The following ADK variants were observed in gnomAD, a reference collection of about 807,000 sequenced individuals.
ADK encodes N6,N6-dimethyladenosine kinase.
In ADK, 24 loss-of-function variants were observed where a neutral mutation model predicts 44.7. The observed-to-expected ratio is 0.54, with a 90% confidence interval of 0.39 to 0.76. ADK has a LOEUF of 0.76. Among genes scored for constraint, ADK ranks in the 30% least tolerant of loss-of-function variants. ADK has a pLI of 0.00. For missense variants in ADK, 321 were observed against 425.1 expected (o/e 0.76, Z 2.15); for synonymous variants, 128 against 142.6 (o/e 0.90, Z 0.73).
At chr10:74,595,405 TGG>T (rs1328078950) in intron 8 of ADK, among the ~76,000 whole-genome samples, 3 of 146 alleles carry the variant, frequency 0.021, no homozygotes, top group South Asian at 0.19. Context: ...GGAGGGGGTT[TGG>T]CTTTGTCACG....
chr10:74,541,715 C>A (rs777051329), intron 7 of ADK, among the ~76,000 whole-genome samples: 2 of 151,152 alleles, frequency 1.3e-5, no homozygotes, highest in Non-Finnish European at 2.9e-5. Context: ...ATTGCTTGAG[C>A]CCAGGAGTTT....
intron 7 of ADK, among the ~76,000 whole-genome samples, chr10:74,584,426 G>A (rs1356916420): frequency 9.9e-5 from 15 of 152,182 alleles, no homozygotes; most frequent in Admixed American, 9.8e-4. Context: ...GGACCTTAGT[G>A]TAGGCCTTTT....
intron 3 of ADK, among the ~76,000 whole-genome samples, chr10:74,314,336 G>A (rs1184966165): frequency 6.6e-6 from 1 of 152,014 alleles, no homozygotes; most frequent in African/African-American, 2.4e-5. Context: ...CTGAGACTGG[G>A]ATTCTGATTT....
At chr10:74,285,613 C>T (rs1022775046) in intron 3 of ADK, among the ~76,000 whole-genome samples, 1 of 152,108 alleles carries the variant, frequency 6.6e-6, no homozygotes, top group African/African-American at 2.4e-5. Context: ...CCTGGGAGAT[C>T]AAGGCTCCAC....
chr10:74,573,324 C>T (rs1047335189), intron 7 of ADK, among the ~76,000 whole-genome samples: 13 of 152,290 alleles, frequency 8.5e-5, no homozygotes, highest in Admixed American at 7.2e-4. Context: ...AGCAGATTTT[C>T]GTGAACCACA....
intron 6 of ADK, among the ~76,000 whole-genome samples, chr10:74,483,162 C>T (rs1043804481): frequency 4.6e-5 from 7 of 152,168 alleles, no homozygotes; most frequent in South Asian, 2.1e-4. Context: ...ATACGTCCTC[C>T]GAAATCTAGG....
At chr10:74,563,422 T>G (rs184839398) in intron 7 of ADK, among the ~76,000 whole-genome samples, 1 of 152,178 alleles carries the variant, frequency 6.6e-6, no homozygotes, top group Non-Finnish European at 1.5e-5. Context: ...CTCAGTTAGA[T>G]CTCCCTTAAA....
chr10:74,701,414 T>C (rs891655218), intron 10 of ADK, among the ~76,000 whole-genome samples: 5 of 152,128 alleles, frequency 3.3e-5, no homozygotes, highest in East Asian at 1.9e-4. Flanking sequence ...CAGATCTTGG[T>C]CTCTAATACC....
At chr10:74,319,001 T>A (rs115844288) in intron 4 of ADK, among the ~76,000 whole-genome samples, 1,929 of 110,734 alleles carry the variant, frequency 0.017, 46 homozygotes, top group African/African-American at 0.047. Flanking sequence ...CCTTTGACTG[T>A]ATTACGTTTT....
intron 4 of ADK, among the ~76,000 whole-genome samples, chr10:74,379,353 G>A (rs1423080104): frequency 6.6e-6 from 1 of 152,186 alleles, no homozygotes. Context: ...TGGATGTGGT[G>A]TGTGAATAAC....
At chr10:74,286,853 AT>A (rs777721364) in intron 3 of ADK, among the ~76,000 whole-genome samples, 1 of 152,068 alleles carries the variant, frequency 6.6e-6, no homozygotes, top group Non-Finnish European at 1.5e-5. Flanking sequence ...TTTAAAACAA[AT>A]TTTTTTATTT....
intron 3 of ADK, among the ~76,000 whole-genome samples, chr10:74,277,160 C>T (rs990811301): frequency 2.0e-5 from 3 of 152,080 alleles, no homozygotes; most frequent in South Asian, 2.1e-4. Flanking sequence ...TCGGGTGATC[C>T]GCCCTCCTCA....
chr10:74,509,955 A>G (rs1323813950), intron 6 of ADK, among the ~76,000 whole-genome samples: 1 of 152,174 alleles, frequency 6.6e-6, no homozygotes, highest in Non-Finnish European at 1.5e-5. Flanking sequence ...TTGTGTATAC[A>G]TTACACATTT....
At chr10:74,602,105 CAA>C (rs58400071) in intron 9 of ADK, among the ~76,000 whole-genome samples, 4 of 48,790 alleles carry the variant, frequency 8.2e-5, no homozygotes, top group Non-Finnish European at 1.1e-4. Context: ...ACCCTGTCTC[CAA>C]AAAAAAAAAA....
rs144492760 is a variant in ADK, at chr10:74,314,649, A to G, written c.195-18A>G. On this transcript the variant is annotated intron_variant, in intron 3 of 10. Coordinates refer to ENST00000539909, the MANE Select transcript of ADK (RefSeq NM_006721.4). ...CACAGAAGGTAACTTACTTTTTTCTACTGTGATTTCCTTATAGGTTTGATG... is the reference window on the plus strand; with the variant it reads ...CACAGAAGGTAACTTACTTTTTTCTGCTGTGATTTCCTTATAGGTTTGATG... 0.012 allele frequency: 18,457 copies of G among 1,588,270 alleles called. 138 individuals are homozygous for G. The highest frequency in any genetic ancestry group is 0.015 in the Non-Finnish European group (16,848 of 1,157,762).
At chr10:74,543,244 G>C (rs1379895901) in intron 7 of ADK, among the ~76,000 whole-genome samples, 14 of 150,262 alleles carry the variant, frequency 9.3e-5, no homozygotes, top group South Asian at 2.1e-4. Context: ...GGGTCTCACT[G>C]TGTTGCCCAG....
chr10:74,565,184 C>T (rs1012908011), intron 7 of ADK, among the ~76,000 whole-genome samples: 3 of 152,116 alleles, frequency 2.0e-5, no homozygotes, highest in East Asian at 1.9e-4. Flanking sequence ...AAGTTAAAAA[C>T]GTGTTCAGAG....
intron 4 of ADK, among the ~76,000 whole-genome samples, chr10:74,371,272 T>C (rs1218148750): frequency 1.3e-5 from 2 of 152,338 alleles, no homozygotes; most frequent in South Asian, 2.1e-4. Context: ...TGATTTGTGG[T>C]AATGGTTACA....
intron 10 of ADK, among the ~76,000 whole-genome samples, chr10:74,691,871 A>G (rs1428924754): frequency 6.6e-6 from 1 of 152,100 alleles, no homozygotes; most frequent in African/African-American, 2.4e-5. Flanking sequence ...TGTGTGGCCT[A>G]TGGGGTGAGG....
Sources: allele counts gnomAD v4.1 joint callset (sites outside exome capture counted in the v4.1 genomes callset), GRCh38; gene constraint gnomAD v4.1.1; transcripts MANE v1.5; gene names NCBI Gene and HGNC (gene_info 2026-07-23, HGNC 2026-07-21).